The following CIT variants were observed in gnomAD, a reference collection of about 807,000 sequenced individuals.
The protein encoded by CIT is citron rho-interacting serine/threonine kinase.
In CIT, 79 loss-of-function variants were observed where a neutral mutation model predicts 272.7. The ratio of observed to expected loss-of-function variants is 0.29; its 90% CI spans 0.24 to 0.35. The LOEUF (loss-of-function observed/expected upper bound fraction) is 0.35, where lower values mean the gene tolerates loss of function less well. Ranked by LOEUF, CIT falls within the 10% of genes least tolerant of loss-of-function variation. CIT has a pLI of 1.00. For missense variants in CIT, 1,909 were observed against 2,618.3 expected, an observed-to-expected ratio of 0.73 and a Z score of 5.91; for synonymous variants, 948 against 995.6, an observed-to-expected ratio of 0.95 and a Z score of 0.90.
At chr12:119,725,009 G>A (rs984981551) in intron 28 of CIT, among the ~76,000 whole-genome samples, 1 of 148,900 alleles carries the variant, frequency 6.7e-6, no homozygotes, top group African/African-American at 2.5e-5. Flanking sequence ...GAGGAAAAAT[G>A]TGAAAGATCC....
intron 19 of CIT, among the ~76,000 whole-genome samples, chr12:119,762,856 T>C (rs748253812): frequency 4.6e-5 from 7 of 152,076 alleles, no homozygotes; most frequent in South Asian, 4.1e-4. Context: ...CTGGGCAACA[T>C]AGCAAGACCC....
At chr12:119,847,567 C>G (rs938593321) in intron 5 of CIT, among the ~76,000 whole-genome samples, 3 of 151,568 alleles carry the variant, frequency 2.0e-5, no homozygotes, top group African/African-American at 7.3e-5. Flanking sequence ...GTACTCCAGC[C>G]TGGTGACAGA....
Position 119,690,152 on chromosome 12 carries a change from T to C in CIT, c.6185A>G (p.Lys2062Arg), listed in dbSNP as rs1472287993. 6.8e-7 allele frequency: 1 copy of C among 1,466,102 alleles called. No individual in the cohort carries two copies. Among genetic ancestry groups the C allele is most frequent in the Non-Finnish European group, 9.0e-7 (1 of 1,116,536 alleles). 90.8% of individuals were successfully genotyped at this position (1,466,102 alleles called of 1,614,324 possible). ...AVRTPLSQVN[K>R]VWDQSSV ...ACAGGCCTCGGAATGCTGCCTCACC[T>C]TGTTCACCTGGGACAGCGGGGTCCT... is the stretch of plus-strand genomic sequence containing the variant. The change falls in exon 47 of 48, where the codon AAG becomes AGG. Residue 2062 changes from lysine (K) to arginine (R), a missense_variant and splice_region_variant. Lys to Arg is a conservative substitution (Grantham distance 26). Around this residue, in one of 8 missense-constraint regions of CIT, gnomAD observed 780 missense variants for 1,067.2 expected, o/e 0.73. Transcript: ENST00000392521. This position sits in a 1 kb window ranked among gnomAD's most constrained non-coding sequence, Gnocchi z 6.0.
chr12:119,782,715 A>G, intron 12 of CIT, 78 bp from the exon 13 acceptor site: 1 of 1,567,880 alleles, frequency 6.4e-7, no homozygotes, highest in South Asian at 1.2e-5. Context: ...GAGAGCTGCA[A>G]GCTGCTTCGC....
chr12:119,780,291 G>T (rs1964161563), intron 13 of CIT, among the ~76,000 whole-genome samples: 1 of 152,072 alleles, frequency 6.6e-6, no homozygotes, highest in African/African-American at 2.4e-5. Flanking sequence ...ATTCTAGAGG[G>T]GGTAGCTAGG....
chr12:119,697,774 C>T lies in CIT; in HGVS notation c.5767G>A (p.Gly1923Arg). 1 of 1,614,134 alleles carries T rather than the reference C, an allele frequency of 6.2e-7. No individual in the cohort carries two copies. Among genetic ancestry groups the T allele is most frequent in the South Asian group, 1.1e-5 (1 of 91,082 alleles). ...TATGAGGACGCCAAGTAAATCGCTC[C>T]TGAGGAAATGGCAGGGCCCAGGTAG... ...PRYLGPAISS[G>R]AIYLASSYQD... Residue 1923 changes from glycine (G) to arginine (R), a missense_variant, in exon 46 of 48, where the codon GGA becomes AGA. By Grantham distance (125) the Gly-to-Arg change is moderately radical. Coordinates refer to ENST00000392521, the MANE Select transcript of CIT (RefSeq NM_001206999.2). This position sits in a 1 kb window ranked among gnomAD's most constrained non-coding sequence, Gnocchi z 4.9.
chr12:119,869,290 A>C (rs1184973586), intron 2 of CIT, 89 bp from the exon 3 acceptor site: 11 of 1,254,256 alleles, frequency 8.8e-6, no homozygotes, highest in Non-Finnish European at 3.3e-6. Context: ...ACAAGCCACC[A>C]ACTCAACTAA....
chr12:119,871,455 G>A (rs1036959795), intron 2 of CIT, among the ~76,000 whole-genome samples: 2 of 151,956 alleles, frequency 1.3e-5, no homozygotes, highest in African/African-American at 4.8e-5. Context: ...GAGAATTTAA[G>A]AAAAACAAAC....
intron 13 of CIT, among the ~76,000 whole-genome samples, chr12:119,781,359 A>T (rs886086244): frequency 1.3e-4 from 20 of 152,254 alleles, no homozygotes; most frequent in Non-Finnish European, 1.8e-4. Context: ...AAAGACAGTA[A>T]TTCTTTTTTT....
chr12:119,808,087 CAA>C (rs1371714713), intron 9 of CIT, among the ~76,000 whole-genome samples: 1 of 152,018 alleles, frequency 6.6e-6, no homozygotes, highest in Admixed American at 6.6e-5. Flanking sequence ...CTTTCAGAAA[CAA>C]AGAGCTATTT....
intron 5 of CIT, among the ~76,000 whole-genome samples, chr12:119,847,467 G>A (rs1322662835): frequency 2.0e-5 from 3 of 151,528 alleles, no homozygotes; most frequent in South Asian, 2.1e-4. Flanking sequence ...GGTGGCACAC[G>A]CCTGTAGTCC....
intron 22 of CIT, among the ~76,000 whole-genome samples, chr12:119,753,278 T>C (rs1385453666): frequency 6.6e-6 from 1 of 152,118 alleles, no homozygotes; most frequent in Non-Finnish European, 1.5e-5. Flanking sequence ...CCAACCCAGC[T>C]TCAGAGGGTC....
In CIT at chr12:119,757,527, C is replaced by T; in HGVS notation, c.2550G>A (p.Met850Ile). The change falls in exon 22 of 48, where the codon ATG (methionine) becomes ATA (isoleucine). Residue 850 changes from methionine to isoleucine, a missense_variant. Physicochemically the swap from Met to Ile is conservative, Grantham distance 10. Around this residue, in one of 8 missense-constraint regions of CIT, gnomAD observed 530 missense variants for 822.4 expected, o/e 0.64. Coordinates refer to ENST00000392521, the MANE Select transcript of CIT (RefSeq NM_001206999.2). ...ATTTCTGTTGCCTGAGTTCAGAAAT[C>T]ATCTCTTCTTGGGCCTTCCTGGTGG... ...TQRNMKAQEE[M>I]ISELRQQKFY... The T allele has an allele frequency of 4.3e-6, 7 of 1,612,478 alleles. No individual in the cohort carries two copies. The highest frequency in any genetic ancestry group is 5.9e-6 in the Non-Finnish European group (7 of 1,179,358).
chr12:119,839,223 G>A (rs532870935), intron 5 of CIT, among the ~76,000 whole-genome samples: 1 of 152,328 alleles, frequency 6.6e-6, no homozygotes, highest in South Asian at 2.1e-4. Flanking sequence ...AAGGACAAAT[G>A]TGTCTGTGCA....
At chr12:119,785,252 C>T (rs1696591999) in intron 10 of CIT, among the ~76,000 whole-genome samples, 187 bp from the exon 11 acceptor site, 1 of 152,190 alleles carries the variant, frequency 6.6e-6, no homozygotes, top group African/African-American at 2.4e-5. Flanking sequence ...AATATATTAC[C>T]ACACATGGCA....
intron 16 of CIT, among the ~76,000 whole-genome samples, chr12:119,774,378 C>G (rs1205179033): frequency 6.6e-6 from 1 of 152,108 alleles, no homozygotes; most frequent in Non-Finnish European, 1.5e-5. Flanking sequence ...CAAACATTCT[C>G]AATGCCAAAG....
At chr12:119,771,319 C>G (rs1430227764) in intron 17 of CIT, among the ~76,000 whole-genome samples, 1 of 152,050 alleles carries the variant, frequency 6.6e-6, no homozygotes, top group African/African-American at 2.4e-5. Context: ...TTTAATTGGA[C>G]AGTTGAGCAG....
At chr12:119,760,415 C>T (rs1166272663) in intron 20 of CIT, among the ~76,000 whole-genome samples, 1 of 151,870 alleles carries the variant, frequency 6.6e-6, no homozygotes, top group Admixed American at 6.6e-5. Flanking sequence ...TTGCTTGAGG[C>T]CAGAAGTTTG....
chr12:119,794,033 T>C (rs1167356336), intron 10 of CIT, among the ~76,000 whole-genome samples: 1 of 152,180 alleles, frequency 6.6e-6, no homozygotes. Flanking sequence ...TCAGCCTTCT[T>C]GAACAAATAC....
Sources: allele counts gnomAD v4.1 joint callset (sites outside exome capture counted in the v4.1 genomes callset), GRCh38; gene constraint gnomAD v4.1.1; regional missense constraint gnomAD v4.1.1; non-coding constraint Gnocchi (gnomAD v3.1); transcripts MANE v1.5; gene names NCBI Gene and HGNC (gene_info 2026-07-23, HGNC 2026-07-21).